The following PIK3CD variants were observed in gnomAD, a reference collection of about 807,000 sequenced individuals.
The protein encoded by PIK3CD is phosphatidylinositol-4,5-bisphosphate 3-kinase catalytic subunit delta.
In PIK3CD, 20 loss-of-function variants were observed where a neutral mutation model predicts 122.9. The ratio of observed to expected loss-of-function variants is 0.16; its 90% CI spans 0.11 to 0.24. PIK3CD has a LOEUF of 0.24. PIK3CD is among the 10% of genes least tolerant of loss of function. PIK3CD has a pLI of 1.00. For missense variants in PIK3CD, 787 were observed against 1,406.3 expected, an observed-to-expected ratio of 0.56 and a Z score of 7.04; for synonymous variants, 596 against 593.4, an observed-to-expected ratio of 1.00 and a Z score of -0.06.
intron 1 of PIK3CD, among the ~76,000 whole-genome samples, chr1:9,658,611 C>T (rs1017387144): frequency 1.4e-5 from 2 of 144,462 alleles, no homozygotes; most frequent in African/African-American, 5.2e-5. Flanking sequence ...CTCACTGCAA[C>T]CTCTGCCTCC....
At chr1:9,697,600 G>C (rs1009918247) in intron 2 of PIK3CD, among the ~76,000 whole-genome samples, 1 of 151,868 alleles carries the variant, frequency 6.6e-6, no homozygotes, top group East Asian at 1.9e-4. Context: ...TGGGTATGTG[G>C]TGTGCACCTG....
chr1:9,727,793 C>A lies in PIK3CD; in HGVS notation c.*747C>A. The A allele has an allele frequency of 5.1e-6, 1 of 194,316 alleles. No homozygotes were observed. Among genetic ancestry groups the A allele is most frequent in the Non-Finnish European group, 1.1e-5 (1 of 93,846 alleles). The allele number at this position is 194,316 out of a possible 1,614,324, so 12.0% of individuals were successfully genotyped here. A position where few individuals can be genotyped will look rare whatever the true frequency, so the allele number is the denominator to read the frequency against. On this transcript the variant is annotated 3_prime_UTR_variant, in exon 24 of 24. Transcript: ENST00000377346. ...AGCAGGTCAGAAGCGAATACTCTGC[C>A]ATTATCTCAAAAATCTTTTTTTTTT...
the PIK3CD span, among the ~76,000 whole-genome samples, chr1:9,629,792 G>A: frequency 2.0e-5 from 3 of 152,136 alleles, no homozygotes; most frequent in East Asian, 1.9e-4. Flanking sequence ...CAGTCGGGCC[G>A]GGACCGCCCC....
intron 2 of PIK3CD, among the ~76,000 whole-genome samples, chr1:9,701,250 G>A (rs1019097714): frequency 2.6e-5 from 4 of 152,044 alleles, no homozygotes; most frequent in Admixed American, 1.3e-4. Flanking sequence ...GTAGTGGCCC[G>A]TTCTAGAAGA....
chr1:9,681,774 C>T (rs1645762991), intron 1 of PIK3CD, among the ~76,000 whole-genome samples: 1 of 152,196 alleles, frequency 6.6e-6, no homozygotes, highest in Non-Finnish European at 1.5e-5. Flanking sequence ...CTTTAGGTCA[C>T]ATTGACTGTG....
chr1:9,701,648 G>A lies in PIK3CD; in HGVS notation c.-32-8776G>A, dbSNP rs529467367. On this transcript the variant is annotated intron_variant, in intron 2 of 23. Coordinates refer to ENST00000377346, the MANE Select transcript of PIK3CD (RefSeq NM_005026.5). ...TGTGCCAGTGCACTCCAGCCTGGGC[G>A]ACAGAGCAAGACTCTGTCTCAAAAA... 2.1e-3 allele frequency among the ~76,000 whole-genome samples: 285 copies of A among 135,602 alleles called. 3 individuals carry two copies. The highest frequency in any genetic ancestry group is 2.8e-3 in the Non-Finnish European group (183 of 65,316). The allele number at this position is 135,602 out of a possible 152,430, so 89.0% of individuals were successfully genotyped here.
the PIK3CD span, among the ~76,000 whole-genome samples, chr1:9,630,740 G>GTGTGCA: frequency 1.7e-5 from 2 of 114,382 alleles, no homozygotes; most frequent in African/African-American, 6.4e-5. Context: ...GTGTGTGTGT[G>GTGTGCA]CAGAAGAGGG....
chr1:9,640,527 C>T, the PIK3CD span, among the ~76,000 whole-genome samples: 1,070 of 151,398 alleles, frequency 7.1e-3, 25 homozygotes, highest in Admixed American at 0.045. Flanking sequence ...TGTAGTGAGC[C>T]GAGACTGTGC....
chr1:9,684,543 A>G (rs1645890250), intron 1 of PIK3CD, among the ~76,000 whole-genome samples: 1 of 149,738 alleles, frequency 6.7e-6, no homozygotes, highest in African/African-American at 2.5e-5. Flanking sequence ...TCTCAAAAAA[A>G]AAAAAAAAAG....
At position 9,722,256 on chromosome 1, in the gene PIK3CD, C is replaced by T. The variant is rs754790208; in HGVS notation, c.2247C>T (p.Cys749=). The change falls in exon 18 of 24, where the codon TGC becomes TGT. Residue 749 remains cysteine (C), a synonymous_variant. Coordinates refer to ENST00000377346, the MANE Select transcript of PIK3CD (RefSeq NM_005026.5). The surrounding 1 kb of genome is among the most constrained non-coding windows in gnomAD (Gnocchi z 7.6). ...TCTGGCCTGGCAGCGTGGAGCAGTGCACCTTCATGGACTCCAAGATGAAGC... is the reference window on the plus strand; with the variant it reads ...TCTGGCCTGGCAGCGTGGAGCAGTGTACCTTCATGGACTCCAAGATGAAGC... ...TLLAEVCVEQ[C]TFMDSKMKPL... is the part of the protein sequence containing the mutation. 1.2e-6 allele frequency: 2 copies of T among 1,613,420 alleles called. No homozygotes were observed. Among genetic ancestry groups the T allele is most frequent in the South Asian group, 1.1e-5 (1 of 91,036 alleles).
chr1:9,688,863 T>A (rs936442776), intron 1 of PIK3CD, among the ~76,000 whole-genome samples: 3 of 151,164 alleles, frequency 2.0e-5, no homozygotes, highest in African/African-American at 4.9e-5. Context: ...GAGTTTTTTT[T>A]AAGTGCGGGA....
At chr1:9,663,603 C>CT (rs1325200426) in intron 1 of PIK3CD, among the ~76,000 whole-genome samples, 82 of 151,496 alleles carry the variant, frequency 5.4e-4, no homozygotes, top group African/African-American at 1.8e-3. Context: ...TTTTATTATA[C>CT]TTTAAGTTCT....
the PIK3CD span, among the ~76,000 whole-genome samples, chr1:9,628,322 ACT>A: frequency 2.0e-5 from 3 of 151,902 alleles, no homozygotes; most frequent in African/African-American, 7.3e-5. Context: ...AAAGAAAAAT[ACT>A]CTTAGCGCAG....
Position 9,719,029 on chromosome 1 carries a change from C to T in PIK3CD, c.1242+114C>T. 3.9e-6 allele frequency: 4 copies of T among 1,013,746 alleles called. No homozygotes were observed. Among genetic ancestry groups the T allele is most frequent in the Admixed American group, 2.0e-5 (1 of 49,758 alleles). 62.8% of individuals were successfully genotyped at this position (1,013,746 alleles called of 1,614,324 possible). ...AGCACGCAGCCTGGGGATGGGGGTC[C>T]TGGGATTGCTTGTGGACCCCAGCCT... On this transcript the variant is annotated intron_variant, in intron 9 of 23. Coordinates refer to ENST00000377346, the MANE Select transcript of PIK3CD (RefSeq NM_005026.5). The surrounding 1 kb of genome is among the most constrained non-coding windows in gnomAD (Gnocchi z 5.5).
At chr1:9,673,576 G>T (rs1256172112) in intron 1 of PIK3CD, among the ~76,000 whole-genome samples, 5 of 151,612 alleles carry the variant, frequency 3.3e-5, no homozygotes, top group Non-Finnish European at 7.4e-5. Context: ...TAATTTTTTT[G>T]ATTTTTAGTA....
chr1:9,682,226 G>T (rs978986612), intron 1 of PIK3CD, among the ~76,000 whole-genome samples: 10 of 152,080 alleles, frequency 6.6e-5, no homozygotes, highest in African/African-American at 1.9e-4. Context: ...CCTAGCCAAG[G>T]CTGCGTTTTT....
At chr1:9,688,897 C>T (rs1646076525) in intron 1 of PIK3CD, among the ~76,000 whole-genome samples, 1 of 152,048 alleles carries the variant, frequency 6.6e-6, no homozygotes, top group African/African-American at 2.4e-5. Flanking sequence ...GGTGTTGTTA[C>T]TGCACGCACA....
In PIK3CD at chr1:9,720,081, C is replaced by T. The variant is rs1442992087; in HGVS notation, c.1340-31C>T. On this transcript the variant is annotated intron_variant, in intron 10 of 23. Coordinates refer to ENST00000377346, the MANE Select transcript of PIK3CD (RefSeq NM_005026.5). The surrounding 1 kb of genome is among the most constrained non-coding windows in gnomAD (Gnocchi z 9.0). The stretch of plus-strand genomic sequence containing the variant: ...GAGGGTCCCAGAGATGCTGGTCACC[C>T]CTCTACAACTTCATCTGCCCCTGTG... 1.2e-6 allele frequency: 2 copies of T among 1,613,206 alleles called. No individual in the cohort carries two copies. Among genetic ancestry groups the T allele is most frequent in the African/African-American group, 2.7e-5 (2 of 74,926 alleles).
At chr1:9,670,040 G>T (rs765328731) in intron 1 of PIK3CD, among the ~76,000 whole-genome samples, 1 of 151,736 alleles carries the variant, frequency 6.6e-6, no homozygotes, top group Non-Finnish European at 1.5e-5. Context: ...TGGGCGTGGT[G>T]GTGGGTGCCT....
Sources: allele counts gnomAD v4.1 joint callset (sites outside exome capture counted in the v4.1 genomes callset), GRCh38; gene constraint gnomAD v4.1.1; non-coding constraint Gnocchi (gnomAD v3.1); transcripts MANE v1.5; gene names NCBI Gene and HGNC (gene_info 2026-07-23, HGNC 2026-07-21).